IGF2R: variants seen among roughly 807,000 people sequenced by gnomAD.
IGF2R encodes the protein cation-independent mannose-6-phosphate receptor.
In IGF2R, 91 loss-of-function variants were observed where a neutral mutation model predicts 270.6. The ratio of observed to expected loss-of-function variants is 0.34; its 90% CI spans 0.28 to 0.40. IGF2R has a LOEUF of 0.40. Ranked by LOEUF, IGF2R falls within the 10% of genes least tolerant of loss-of-function variation. The pLI is 1.00. For synonymous variants in IGF2R, 1,316 were observed against 1,258.9 expected (o/e 1.05, Z -0.96); for missense variants, 2,805 against 3,188.3 (o/e 0.88, Z 2.90).
At position 160,104,892 on chromosome 6, in the gene IGF2R, G is replaced by A. The variant is rs1204278632; in HGVS notation, c.7284G>A (p.Gly2428=). Residue 2428 remains glycine, a synonymous_variant, in exon 48 of 48, where the codon GGG becomes GGA. Coordinates refer to ENST00000356956, the MANE Select transcript of IGF2R (RefSeq NM_000876.4). ...AAGTTCACTCGGGCAGGGGAGCTGGGGCAGAGAGCTCCCACCCAGTGAGAA... is the reference window on the plus strand; with the variant it reads ...AAGTTCACTCGGGCAGGGGAGCTGGAGCAGAGAGCTCCCACCCAGTGAGAA... ...EVKVHSGRGA[G]AESSHPVRNA... 1 of 1,614,164 alleles carries A rather than the reference G, an allele frequency of 6.2e-7. No homozygotes were observed. Among genetic ancestry groups the A allele is most frequent in the Admixed American group, 1.7e-5 (1 of 60,022 alleles).
At chr6:160,029,823 C>T (rs1327619099) in intron 7 of IGF2R, among the ~76,000 whole-genome samples, 168 bp downstream of exon 7, 1 of 152,242 alleles carries the variant, frequency 6.6e-6, no homozygotes, top group African/African-American at 2.4e-5. Context: ...GGGATAGCTT[C>T]TGTCACATGC....
At chr6:160,034,098 GA>G (rs2115234743) in intron 9 of IGF2R, among the ~76,000 whole-genome samples, 1 of 152,322 alleles carries the variant, frequency 6.6e-6, no homozygotes, top group East Asian at 1.9e-4. Context: ...CGGCTGTTAA[GA>G]AGGCTGTCTA....
At chr6:160,099,043 T>G (rs915345596) in intron 45 of IGF2R, among the ~76,000 whole-genome samples, 3 of 152,102 alleles carry the variant, frequency 2.0e-5, no homozygotes. Flanking sequence ...TTGATTAAAG[T>G]CAAAAAATTT....
chr6:160,003,096 G>A (rs1001188899), intron 2 of IGF2R, among the ~76,000 whole-genome samples: 2 of 152,132 alleles, frequency 1.3e-5, no homozygotes, highest in Non-Finnish European at 2.9e-5. Flanking sequence ...TGTAGTTGCC[G>A]TCCCAGGTGA....
At chr6:160,095,166 T>A (rs1386688160) in intron 44 of IGF2R, 1 of 152,174 alleles carries the variant, frequency 6.6e-6, no homozygotes, top group Non-Finnish European at 1.5e-5. Flanking sequence ...TGTTGACTAT[T>A]CAAAAAGTAG....
At chr6:160,011,383 C>T (rs915239500) in intron 4 of IGF2R, among the ~76,000 whole-genome samples, 1 of 151,996 alleles carries the variant, frequency 6.6e-6, no homozygotes, top group Non-Finnish European at 1.5e-5. Context: ...TTATTTGAAC[C>T]CAGCATTCCT....
At chr6:159,983,471 C>T (rs181864587) in intron 1 of IGF2R, among the ~76,000 whole-genome samples, 1 of 152,188 alleles carries the variant, frequency 6.6e-6, no homozygotes, top group African/African-American at 2.4e-5. Context: ...AGTGAGATTA[C>T]AGTCAGGAGC....
intron 4 of IGF2R, among the ~76,000 whole-genome samples, chr6:160,018,973 A>G (rs986247285): frequency 1.3e-5 from 2 of 152,186 alleles, no homozygotes; most frequent in African/African-American, 4.8e-5. Context: ...GAGCAGAACT[A>G]AATGAAATGG....
intron 1 of IGF2R, among the ~76,000 whole-genome samples, chr6:159,978,915 G>A (rs73019670): frequency 0.053 from 8,018 of 152,288 alleles, 293 homozygotes; most frequent in Non-Finnish European, 0.08. Context: ...AGTTGTCCAG[G>A]AAGAGGAAGC....
In IGF2R at chr6:160,047,843, C is replaced by G; in HGVS notation, c.2281C>G (p.Pro761Ala). The G allele has an allele frequency of 1.9e-6, 3 of 1,614,154 alleles. No homozygotes were observed. Among genetic ancestry groups the G allele is most frequent in the Non-Finnish European group, 2.5e-6 (3 of 1,179,992 alleles). ...CCGGTGGTACACCAGCTATGCCTGC[C>G]CGGAGGAGCCCCTGGAATGCGTAGT... is the stretch of plus-strand genomic sequence containing the variant. ...NFRWYTSYAC[P>A]EEPLECVVTD... The change falls in exon 17 of 48, where the codon CCG (proline) becomes GCG (alanine). Residue 761 changes from proline to alanine, a missense_variant. Around this residue, in one of 2 missense-constraint regions of IGF2R, gnomAD observed 954 missense variants for 981.1 expected, o/e 0.97. Transcript: ENST00000356956.
Position 160,102,458 on chromosome 6 carries a change from T to C in IGF2R, c.6843-61T>C. ...TTGCCTTGGGGACTCAGGTCTCAGG[T>C]TGTGGCTGTGGCAGCAGGACCACCC... is the stretch of plus-strand genomic sequence containing the variant. On this transcript the variant is annotated intron_variant, in intron 45 of 47. Coordinates refer to ENST00000356956, the MANE Select transcript of IGF2R (RefSeq NM_000876.4). The surrounding 1 kb of genome is among the most constrained non-coding windows in gnomAD (Gnocchi z 4.5). The C allele has an allele frequency of 1.9e-6, 3 of 1,570,610 alleles. No homozygotes were observed. Among genetic ancestry groups the C allele is most frequent in the Non-Finnish European group, 2.6e-6 (3 of 1,150,288 alleles).
At chr6:159,996,442 C>T (rs1245994803) in intron 2 of IGF2R, among the ~76,000 whole-genome samples, 1 of 152,178 alleles carries the variant, frequency 6.6e-6, no homozygotes, top group Non-Finnish European at 1.5e-5. Flanking sequence ...TGCTCAGCCC[C>T]TGAGTGGGGG....
Position 160,050,104 on chromosome 6 carries a change from G to A in IGF2R, c.2515-369G>A, listed in dbSNP as rs1392065119. Among the ~76,000 whole-genome samples, 6 of 152,188 alleles carry A rather than the reference G, an allele frequency of 3.9e-5. No individual in the cohort carries two copies. The highest frequency in any genetic ancestry group is 2.1e-4 in the South Asian group (1 of 4,832). Reference sequence around the variant, plus strand: ...AGTGGTTAGTGTCAGCCGTTCCACCGGAATTCAGGATCTGAAGAACATCTT... The same window carrying A: ...AGTGGTTAGTGTCAGCCGTTCCACCAGAATTCAGGATCTGAAGAACATCTT... On this transcript the variant is annotated intron_variant, in intron 18 of 47. Transcript: ENST00000356956. The surrounding 1 kb of genome is among the most constrained non-coding windows in gnomAD (Gnocchi z 4.0).
chr6:159,969,110 G>A lies in IGF2R; in HGVS notation c.-137G>A, dbSNP rs1243308704. On this transcript the variant is annotated 5_prime_UTR_variant, in exon 1 of 48. Coordinates refer to ENST00000356956, the MANE Select transcript of IGF2R (RefSeq NM_000876.4). ...GCTGTCGCTGTCGCCGAGCCCAGTC[G>A]AGCCGCGCTCACCTCGGGCTCCCGC... 2.6e-6 allele frequency: 1 copy of A among 389,464 alleles called. No individual in the cohort carries two copies. Among genetic ancestry groups the A allele is most frequent in the South Asian group, 1.0e-4 (1 of 9,756 alleles). The allele number at this position is 389,464 out of a possible 1,614,324, so 24.1% of individuals were successfully genotyped here.
In IGF2R at chr6:160,102,851, C is replaced by A. The variant is rs1452348600; in HGVS notation, c.6995+180C>A. Among the ~76,000 whole-genome samples the A allele has an allele frequency of 6.6e-6, 1 of 152,182 alleles. No individual in the cohort carries two copies. The highest frequency in any genetic ancestry group is 1.5e-5 in the Non-Finnish European group (1 of 68,034). Reference sequence around the variant, plus strand: ...CAGCGTTGTGGTTTTTAAATGCCTGCATTTCTGTCTGACCAAGGCCGAGGC... The same window carrying A: ...CAGCGTTGTGGTTTTTAAATGCCTGAATTTCTGTCTGACCAAGGCCGAGGC... On this transcript the variant is annotated intron_variant, in intron 46 of 47. Transcript: ENST00000356956. This position sits in a 1 kb window ranked among gnomAD's most constrained non-coding sequence, Gnocchi z 4.5.
At chr6:160,057,069 G>A (rs1400807203) in intron 20 of IGF2R, among the ~76,000 whole-genome samples, 5 of 152,016 alleles carry the variant, frequency 3.3e-5, no homozygotes, top group South Asian at 2.1e-4. Context: ...GTGTCTCACC[G>A]TGGCCCTGTG....
At chr6:160,046,123 A>G (rs1404265694) in intron 14 of IGF2R, among the ~76,000 whole-genome samples, 1 of 152,236 alleles carries the variant, frequency 6.6e-6, no homozygotes, top group Non-Finnish European at 1.5e-5. Flanking sequence ...GGAATAAATT[A>G]TGTTTGAAAA....
chr6:159,987,279 G>A (rs1207540133), intron 1 of IGF2R, among the ~76,000 whole-genome samples: 2 of 152,176 alleles, frequency 1.3e-5, no homozygotes, highest in African/African-American at 2.4e-5. Context: ...AGTTTAACCA[G>A]GGTGCATACC....
At chr6:160,087,650 T>G (rs1779123185) in intron 41 of IGF2R, among the ~76,000 whole-genome samples, 1 of 152,166 alleles carries the variant, frequency 6.6e-6, no homozygotes, top group Non-Finnish European at 1.5e-5. Context: ...ACTCCTAACA[T>G]TGAAGCTTTG....
Sources: gnomAD v4.1 joint callset for allele counts (sites outside exome capture counted in the v4.1 genomes callset) on GRCh38, gnomAD v4.1.1 for gene constraint, gnomAD v4.1.1 regional missense constraint, Gnocchi (gnomAD v3.1) non-coding constraint, MANE v1.5 for transcripts, NCBI Gene and HGNC (gene_info 2026-07-23, HGNC 2026-07-21) for gene names.